Variants in NOM1 observed in about 807,000 individuals in gnomAD.
NOM1 encodes nucleolar MIF4G domain-containing protein 1.
NOM1 carries 58 observed loss-of-function variants against 73.3 expected under a neutral mutation model. The ratio of observed to expected loss-of-function variants is 0.79; its 90% CI spans 0.64 to 0.99. The LOEUF (loss-of-function observed/expected upper bound fraction) is 0.99. Among genes scored for constraint, NOM1 ranks in the 50% least tolerant of loss-of-function variants. The pLI is 0.00. For synonymous variants in NOM1, 487 were observed against 446.8 expected (o/e 1.09, Z -1.14); for missense variants, 1,226 against 1,131.9 (o/e 1.08, Z -1.19).
intron 2 of NOM1, 62 bp from the exon 3 acceptor site, chr7:156,954,041 A>G (rs1804657793): frequency 6.9e-7 from 1 of 1,449,758 alleles, no homozygotes; most frequent in Admixed American, 2.2e-5. Context: ...AATTTTTTAA[A>G]ATTGAACTGA....
rs745952451 is a variant in NOM1 at position 156,950,397 on chromosome 7, GGGAGCCCT to G, written c.665_672del (p.Ala222ValfsTer5). On this transcript the variant is annotated frameshift_variant, in exon 1 of 11. Transcript: ENST00000275820. LOFTEE classifies it high-confidence loss of function. Reference sequence around the variant, plus strand: ...CACGCGACGGTCTTGACTATATTCTGGGAGCCCTGGAGTCTGGGAAAAATAGCGGCTTG... The same window carrying G: ...CACGCGACGGTCTTGACTATATTCTGGGAGTCTGGGAAAAATAGCGGCTTG... The G allele has an allele frequency of 3.1e-6, 5 of 1,614,246 alleles. No individual in the cohort carries two copies. Among genetic ancestry groups the G allele is most frequent in the Admixed American group, 3.3e-5 (2 of 60,026 alleles).
intron 6 of NOM1, chr7:156,963,537 C>T (rs1186948197): frequency 2.6e-5 from 10 of 386,666 alleles, no homozygotes; most frequent in Non-Finnish European, 4.3e-5. Context: ...AAATTCAAGC[C>T]CATTTTTCAT....
Position 156,960,193 on chromosome 7 carries a change from A to T in NOM1, c.1632+19A>T, listed in dbSNP as rs372543588. On this transcript the variant is annotated intron_variant, in intron 4 of 10. Coordinates refer to ENST00000275820, the MANE Select transcript of NOM1 (RefSeq NM_138400.2). ...GACCAGGGTACGCGTGCGACGCTTG[A>T]TCTGCTTCCTAAGTCCCTAAAGCTC... 5.7e-6 allele frequency: 9 copies of T among 1,592,656 alleles called. No homozygotes were observed. Among genetic ancestry groups the T allele is most frequent in the Non-Finnish European group, 7.7e-6 (9 of 1,171,728 alleles).
Position 156,963,063 on chromosome 7 carries a change from T to C in NOM1, c.1799T>C (p.Val600Ala), listed in dbSNP as rs1185932857. Residue 600 changes from valine to alanine, a missense_variant, in exon 6 of 11, where the codon GTC becomes GCC. Val to Ala is a moderately conservative substitution (Grantham distance 64). Coordinates refer to ENST00000275820, the MANE Select transcript of NOM1 (RefSeq NM_138400.2). Reference sequence around the variant, plus strand: ...CAGCTTCGCGTCTCCTGGGACAGTGTCTTGAGTGCGGAGCAGACGGGTCGC... The same window carrying C: ...CAGCTTCGCGTCTCCTGGGACAGTGCCTTGAGTGCGGAGCAGACGGGTCGC... ...ETQLRVSWDS[V>A]LSAEQTGRWW... 1 of 1,614,196 alleles carries C rather than the reference T, an allele frequency of 6.2e-7. No homozygotes were observed. The highest frequency in any genetic ancestry group is 1.7e-5 in the Admixed American group (1 of 60,024).
intron 9 of NOM1, among the ~76,000 whole-genome samples, chr7:156,967,777 C>T (rs1563686874): frequency 1.3e-5 from 2 of 152,150 alleles, no homozygotes; most frequent in East Asian, 1.9e-4. Flanking sequence ...CCCTCCTCAG[C>T]CTCCCAAAGT....
intron 3 of NOM1, among the ~76,000 whole-genome samples, chr7:156,957,247 A>G (rs964223749): frequency 3.9e-5 from 6 of 152,146 alleles, no homozygotes; most frequent in African/African-American, 1.2e-4. Flanking sequence ...GTTAAAGACG[A>G]TGGTGTCAGC....
At chr7:156,957,300 A>T (rs1051889600) in intron 3 of NOM1, among the ~76,000 whole-genome samples, 1 of 152,154 alleles carries the variant, frequency 6.6e-6, no homozygotes, top group Non-Finnish European at 1.5e-5. Context: ...CAAAAACCCA[A>T]TCTATGTAGA....
intron 1 of NOM1, among the ~76,000 whole-genome samples, chr7:156,950,932 G>A (rs967045362): frequency 6.6e-6 from 1 of 152,144 alleles, no homozygotes. Flanking sequence ...GCAATATAGA[G>A]ACATTTTTAT....
chr7:156,962,067 G>C (rs1035509763), intron 4 of NOM1, 84 bp from the exon 5 acceptor site: 4 of 1,057,342 alleles, frequency 3.8e-6, no homozygotes, highest in South Asian at 1.3e-5. Flanking sequence ...TGTGCATCAG[G>C]TGTGGTAGAT....
In NOM1 at chr7:156,962,989, G is replaced by A. The variant is rs1563684019; in HGVS notation, c.1744-19G>A. ...TGAACCAATTAAAAGCATTTCATTA[G>A]CTCTTCTCTCTTCATCAGGTCCGCA... On this transcript the variant is annotated intron_variant, in intron 5 of 10. Coordinates refer to ENST00000275820, the MANE Select transcript of NOM1 (RefSeq NM_138400.2). 6.2e-7 allele frequency: 1 copy of A among 1,604,432 alleles called. No individual in the cohort carries two copies. Among genetic ancestry groups the A allele is most frequent in the East Asian group, 2.2e-5 (1 of 44,606 alleles).
chr7:156,963,985 G>T lies in NOM1; in HGVS notation c.1992G>T (p.Met664Ile). 1.2e-6 allele frequency: 2 copies of T among 1,613,918 alleles called. No individual in the cohort carries two copies. The highest frequency in any genetic ancestry group is 1.1e-5 in the South Asian group (1 of 91,034). ...GGAGAAACATATTCTGCACAATAAT[G>T]ACAAGTGAAGATTTTTTGGATGCTT... ...DIRRNIFCTI[M>I]TSEDFLDAFE... Residue 664 changes from methionine to isoleucine, a missense_variant, in exon 7 of 11, where the codon ATG (methionine) becomes ATT (isoleucine). Coordinates refer to ENST00000275820, the MANE Select transcript of NOM1 (RefSeq NM_138400.2).
At chr7:156,968,590 A>G (rs1805061045) in intron 9 of NOM1, among the ~76,000 whole-genome samples, 1 of 151,634 alleles carries the variant, frequency 6.6e-6, no homozygotes, top group South Asian at 2.1e-4. Flanking sequence ...GCCTCAGTTT[A>G]TATACTTACT....
chr7:156,951,908 G>A (rs1804602949), intron 1 of NOM1, among the ~76,000 whole-genome samples: 1 of 152,018 alleles, frequency 6.6e-6, no homozygotes, highest in Non-Finnish European at 1.5e-5. Context: ...GGGTTTCACT[G>A]TGTTAGCCAG....
intron 3 of NOM1, 68 bp from the exon 4 acceptor site, chr7:156,959,783 C>A: frequency 6.9e-7 from 1 of 1,439,864 alleles, no homozygotes; most frequent in Non-Finnish European, 9.6e-7. Context: ...AGTGCCAGTT[C>A]TGTGTGTTGA....
intron 8 of NOM1, 44 bp from the exon 9 acceptor site, chr7:156,966,917 T>C: frequency 6.4e-7 from 1 of 1,574,380 alleles, no homozygotes; most frequent in South Asian, 1.2e-5. Flanking sequence ...ATTATAGTAA[T>C]TTGTGGCCGT....
At chr7:156,965,063 A>G (rs976934854) in intron 7 of NOM1, among the ~76,000 whole-genome samples, 1 of 152,258 alleles carries the variant, frequency 6.6e-6, no homozygotes, top group Admixed American at 6.5e-5. Flanking sequence ...ATGAATTGAT[A>G]ATCAATGCAG....
At position 156,967,092 on chromosome 7, in the gene NOM1, G is replaced by T. The variant is rs1474995342; in HGVS notation, c.2298G>T (p.Lys766Asn). Residue 766 changes from lysine to asparagine, a missense_variant and splice_region_variant, in exon 9 of 11, where the codon AAG (lysine) becomes AAT (asparagine). Physicochemically the swap from Lys to Asn is moderately conservative, Grantham distance 94. Transcript: ENST00000275820. ...KTKSLSLSIL[K>N]VVEFSELDKP... ...AATCGCTTTCCCTTTCCATCTTAAA[G>T]GTTCGTGTAACGTGTGAAAATATTG... is the stretch of plus-strand genomic sequence containing the variant. 8 of 1,612,778 alleles carry T rather than the reference G, an allele frequency of 5.0e-6. No homozygotes were observed. The highest frequency in any genetic ancestry group is 6.8e-6 in the Non-Finnish European group (8 of 1,179,706).
intron 7 of NOM1, 51 bp downstream of exon 7, chr7:156,964,077 A>G: frequency 3.8e-6 from 6 of 1,583,904 alleles, no homozygotes; most frequent in Non-Finnish European, 5.2e-6. Flanking sequence ...CTGTAAAATA[A>G]GTAAGTTGAT....
At chr7:156,966,497 C>T (rs1563686163) in intron 8 of NOM1, 95 bp downstream of exon 8, 1 of 1,435,532 alleles carries the variant, frequency 7.0e-7, no homozygotes, top group East Asian at 2.3e-5. Flanking sequence ...TTCCCCAAGT[C>T]AGGAGGCCCC....
Sources: gnomAD v4.1 joint callset for allele counts (sites outside exome capture counted in the v4.1 genomes callset) on GRCh38, gnomAD v4.1.1 for gene constraint, MANE v1.5 for transcripts, NCBI Gene and HGNC (gene_info 2026-07-23, HGNC 2026-07-21) for gene names.